The following ANKFN1 variants were observed in gnomAD, a reference collection of about 807,000 sequenced individuals.
ANKFN1 encodes the protein ankyrin repeat and fibronectin type III domain containing 1.
ANKFN1 carries 74 observed loss-of-function variants against 108.7 expected under a neutral mutation model. The ratio of observed to expected loss-of-function variants is 0.68; its 90% CI spans 0.56 to 0.83. The LOEUF is 0.83. ANKFN1 is among the 40% of genes least tolerant of loss of function. ANKFN1 has a pLI of 0.00. For synonymous variants in ANKFN1, 547 were observed against 516.2 expected, an observed-to-expected ratio of 1.06 and a Z score of -0.81; for missense variants, 1,505 against 1,382.3, an observed-to-expected ratio of 1.09 and a Z score of -1.41.
intron 2 of ANKFN1, among the ~76,000 whole-genome samples, chr17:56,220,041 T>C (rs1297605554): frequency 6.6e-6 from 1 of 152,216 alleles, no homozygotes; most frequent in African/African-American, 2.4e-5. Flanking sequence ...AGTAACTTAG[T>C]ATGCTGGTAA....
chr17:56,331,636 C>T (rs1018414693), intron 4 of ANKFN1, among the ~76,000 whole-genome samples: 1 of 152,132 alleles, frequency 6.6e-6, no homozygotes, highest in Non-Finnish European at 1.5e-5. Flanking sequence ...ACTTTGGAGC[C>T]AGAGTTCAAA....
chr17:56,061,139 A>G (rs1035669320), intron 4 of ANKFN1, among the ~76,000 whole-genome samples: 1 of 151,934 alleles, frequency 6.6e-6, no homozygotes, highest in African/African-American at 2.4e-5. Context: ...CAGGGATTCA[A>G]CTTCTTCCTG....
At chr17:56,446,530 C>T (rs954263423) in intron 10 of ANKFN1, among the ~76,000 whole-genome samples, 1 of 152,200 alleles carries the variant, frequency 6.6e-6, no homozygotes, top group Non-Finnish European at 1.5e-5. Flanking sequence ...CCTACCTGAA[C>T]ATCATCGTGC....
rs892274502 is a variant in ANKFN1 at position 56,056,254 on chromosome 17, A to T, written c.288+9929A>T. 2.6e-5 allele frequency among the ~76,000 whole-genome samples: 4 copies of T among 151,946 alleles called. No individual in the cohort carries two copies. The South Asian group carries it at 6.2e-4, about 24-fold the overall frequency. ...AATTAAGTCCCATACTGCTAAAAAT[A>T]CTCTACAGATTAACACAATCTTTGT... On this transcript the variant is annotated intron_variant, in intron 4 of 12. Transcript: ENST00000635860.
chr17:56,507,789 G>C (rs1216577994), intron 20 of ANKFN1, among the ~76,000 whole-genome samples: 1 of 152,166 alleles, frequency 6.6e-6, no homozygotes, highest in Non-Finnish European at 1.5e-5. Flanking sequence ...TCACATAGCT[G>C]GTTCCTTCTG....
At chr17:56,481,057 C>A (rs993177692) in intron 17 of ANKFN1, among the ~76,000 whole-genome samples, 6 of 148,364 alleles carry the variant, frequency 4.0e-5, no homozygotes, top group Non-Finnish European at 5.9e-5. Context: ...ATTTTCTGGA[C>A]CCCACTGTAC....
At chr17:56,373,257 A>AT (rs2046858627) in intron 7 of ANKFN1, among the ~76,000 whole-genome samples, 2 of 152,200 alleles carry the variant, frequency 1.3e-5, no homozygotes, top group Non-Finnish European at 2.9e-5. Context: ...GCTCTACTGC[A>AT]TTTTTTTATA....
chr17:56,189,913 C>T (rs562585568), intron 1 of ANKFN1, among the ~76,000 whole-genome samples: 1 of 151,506 alleles, frequency 6.6e-6, no homozygotes, highest in South Asian at 2.1e-4. Context: ...GTCAACTGAT[C>T]TTTGACCAAG....
chr17:56,503,143 T>C (rs1002856064), intron 20 of ANKFN1, among the ~76,000 whole-genome samples: 1 of 152,070 alleles, frequency 6.6e-6, no homozygotes, highest in Non-Finnish European at 1.5e-5. Context: ...CAATTTTTTT[T>C]TTTTCCAATA....
At chr17:56,510,025 CCTCTT>C (rs1449988929) in intron 20 of ANKFN1, among the ~76,000 whole-genome samples, 1 of 152,206 alleles carries the variant, frequency 6.6e-6, no homozygotes, top group African/African-American at 2.4e-5. Flanking sequence ...ACTGGAGTCT[CCTCTT>C]CTTCGTTCAC....
Position 56,513,335 on chromosome 17 carries a change from T to C in ANKFN1, c.*2066T>C, listed in dbSNP as rs547522621. Among the ~76,000 whole-genome samples, 1 of 152,214 alleles carries C rather than the reference T, an allele frequency of 6.6e-6. No individual in the cohort carries two copies. Among genetic ancestry groups the C allele is most frequent in the Non-Finnish European group, 1.5e-5 (1 of 68,034 alleles). ...TTGTTGCCAAGGAATACAGACTTCA[T>C]GTAATACACATCTAAGTTAACTTAA... On this transcript the variant is annotated 3_prime_UTR_variant, in exon 21 of 21. Transcript: ENST00000682825.
chr17:56,465,509 T>TG (rs1179860046), intron 14 of ANKFN1, among the ~76,000 whole-genome samples: 1 of 152,196 alleles, frequency 6.6e-6, no homozygotes, highest in Non-Finnish European at 1.5e-5. Context: ...CCACCTCTTA[T>TG]GTGAGCTCAC....
chr17:56,298,537 G>A (rs1018063705), intron 3 of ANKFN1, among the ~76,000 whole-genome samples: 2 of 151,998 alleles, frequency 1.3e-5, no homozygotes, highest in African/African-American at 2.4e-5. Flanking sequence ...TCTCAGCTTC[G>A]CTGCTTATTT....
At chr17:56,377,572 T>C (rs955563521) in intron 8 of ANKFN1, among the ~76,000 whole-genome samples, 12 of 152,224 alleles carry the variant, frequency 7.9e-5, no homozygotes, top group African/African-American at 2.7e-4. Flanking sequence ...CCCATTTTTA[T>C]GGCTGACAGA....
intron 8 of ANKFN1, among the ~76,000 whole-genome samples, chr17:56,424,760 A>G (rs1192540455): frequency 3.9e-5 from 6 of 152,216 alleles, no homozygotes; most frequent in Admixed American, 3.9e-4. Flanking sequence ...TCTTGGGGAA[A>G]TAACAGTTTC....
chr17:56,265,203 G>T (rs1223619059), intron 3 of ANKFN1, among the ~76,000 whole-genome samples: 1 of 152,118 alleles, frequency 6.6e-6, no homozygotes, highest in African/African-American at 2.4e-5. Flanking sequence ...CTGCTCTAAA[G>T]ATACTACCTG....
chr17:56,439,795 C>G (rs2049040126), intron 8 of ANKFN1, among the ~76,000 whole-genome samples: 1 of 152,162 alleles, frequency 6.6e-6, no homozygotes, highest in Non-Finnish European at 1.5e-5. Context: ...TATGGCGAAG[C>G]AGATGTCAGA....
At chr17:56,380,880 G>A (rs909614007) in intron 8 of ANKFN1, among the ~76,000 whole-genome samples, 2 of 152,218 alleles carry the variant, frequency 1.3e-5, no homozygotes, top group African/African-American at 4.8e-5. Flanking sequence ...CAAAAAGACA[G>A]CAGTAACCTC....
intron 3 of ANKFN1, among the ~76,000 whole-genome samples, chr17:56,242,116 G>A (rs1917629617): frequency 6.6e-6 from 1 of 151,994 alleles, no homozygotes; most frequent in African/African-American, 2.4e-5. Flanking sequence ...AGTAAGGTAG[G>A]GCTGCTGTAA....
Sources: allele counts gnomAD v4.1 joint callset (sites outside exome capture counted in the v4.1 genomes callset), GRCh38; gene constraint gnomAD v4.1.1; transcripts MANE v1.5; gene names NCBI Gene and HGNC (gene_info 2026-07-23, HGNC 2026-07-21).